Variants in SLAMF1 observed in about 807,000 individuals in gnomAD.
The protein encoded by SLAMF1 is signaling lymphocytic activation molecule.
In SLAMF1, 18 loss-of-function variants were observed where a neutral mutation model predicts 35.1. That is an observed-to-expected ratio of 0.51 (90% confidence interval 0.35 to 0.76). The LOEUF (loss-of-function observed/expected upper bound fraction) is 0.76. SLAMF1 is among the 30% of genes least tolerant of loss of function. SLAMF1 has a pLI of 0.01. For missense variants in SLAMF1, 392 were observed against 413.0 expected (o/e 0.95, Z 0.44); for synonymous variants, 168 against 157.2 (o/e 1.07, Z -0.51).
chr1:160,630,285 C>T (rs192344513), intron 3 of SLAMF1, among the ~76,000 whole-genome samples: 6 of 152,278 alleles, frequency 3.9e-5, no homozygotes, highest in Non-Finnish European at 7.4e-5. Flanking sequence ...TTATGATAGA[C>T]ATTAACACAC....
At chr1:160,613,511 G>A (rs191494125) in intron 5 of SLAMF1, among the ~76,000 whole-genome samples, 8 of 152,284 alleles carry the variant, frequency 5.3e-5, no homozygotes, top group Admixed American at 3.3e-4. Context: ...TGTAAGATGC[G>A]GATGCCATCA....
At chr1:160,618,069 T>TCAAAAAA (rs66648848) in intron 5 of SLAMF1, among the ~76,000 whole-genome samples, 2 of 151,070 alleles carry the variant, frequency 1.3e-5, no homozygotes, top group Admixed American at 6.6e-5. Context: ...CAAGACTCTG[T>TCAAAAAA]CAAAAAACAA....
intron 1 of SLAMF1, among the ~76,000 whole-genome samples, chr1:160,643,036 G>A (rs999606042): frequency 3.8e-4 from 10 of 26,356 alleles, no homozygotes; most frequent in African/African-American, 3.9e-4. Flanking sequence ...AATAGTAAAT[G>A]CTTTGGCCCC....
chr1:160,620,952 G>A (rs1186977215), intron 4 of SLAMF1, among the ~76,000 whole-genome samples: 14 of 152,206 alleles, frequency 9.2e-5, no homozygotes, highest in Admixed American at 9.2e-4. Context: ...TTGGATATTT[G>A]CTATACTTAT....
chr1:160,626,345 G>A (rs1659878655), intron 3 of SLAMF1, among the ~76,000 whole-genome samples: 2 of 152,262 alleles, frequency 1.3e-5, no homozygotes, highest in South Asian at 4.1e-4. Context: ...AAGGCTTCAG[G>A]ACATGACAAC....
intron 1 of SLAMF1, among the ~76,000 whole-genome samples, chr1:160,641,712 C>G (rs1448067667): frequency 2.0e-5 from 3 of 152,048 alleles, no homozygotes; most frequent in Non-Finnish European, 4.4e-5. Flanking sequence ...CACATAAGCA[C>G]AAGGTGGAAA....
intron 2 of SLAMF1, 93 bp from the exon 3 acceptor site, chr1:160,634,990 G>A (rs2102338103): frequency 5.5e-6 from 6 of 1,092,778 alleles, no homozygotes; most frequent in South Asian, 1.5e-5. Context: ...CAGCCTAATG[G>A]CATTTTCCCT....
chr1:160,617,359 C>T (rs935629364), intron 5 of SLAMF1, among the ~76,000 whole-genome samples: 13 of 152,116 alleles, frequency 8.5e-5, no homozygotes, highest in Non-Finnish European at 4.4e-5. Context: ...GTCCACTTAA[C>T]GACTTGCATA....
At chr1:160,619,126 A>G (rs1400557716) in intron 5 of SLAMF1, among the ~76,000 whole-genome samples, 1 of 151,904 alleles carries the variant, frequency 6.6e-6, no homozygotes, top group African/African-American at 2.4e-5. Context: ...ATACAATACC[A>G]AGAATTGCCT....
At position 160,632,556 on chromosome 1, in the gene SLAMF1, T is replaced by C. The variant is rs150100848; in HGVS notation, c.700+2057A>G. Among the ~76,000 whole-genome samples the C allele has an allele frequency of 6.0e-3, 919 of 152,308 alleles. 7 individuals are homozygous for C. Among genetic ancestry groups the C allele is most frequent in the Non-Finnish European group, 0.01 (693 of 68,018 alleles). ...AGCTGAGTGCCCTTAGTATAAGCTT[T>C]ATGGCCCACCAACACTTTGGTATGC... On this transcript the variant is annotated intron_variant, in intron 3 of 6. Transcript: ENST00000302035.
intron 1 of SLAMF1, among the ~76,000 whole-genome samples, chr1:160,645,945 G>C (rs1041762219): frequency 2.0e-5 from 3 of 152,036 alleles, no homozygotes; most frequent in African/African-American, 7.2e-5. Context: ...CCCCGTGTCC[G>C]TAATGCCACC....
chr1:160,646,930 G>C lies in SLAMF1; in HGVS notation c.16C>G (p.Leu6Val). MDPKGLLSLTFVLFLS... is the reference protein window; with the variant it reads MDPKGVLSLTFVLFLS... ...AACAGCACGAAGGTCAAGGAGAGGA[G>C]CCCCTTGGGATCCATCAGCCAATGA... The change falls in exon 1 of 7, where the codon CTC becomes GTC. Residue 6 changes from leucine to valine, a missense_variant. Leu to Val is a conservative substitution (Grantham distance 32). Coordinates refer to ENST00000302035, the MANE Select transcript of SLAMF1 (RefSeq NM_003037.5). 6.2e-7 allele frequency: 1 copy of C among 1,601,344 alleles called. No individual in the cohort carries two copies. Among genetic ancestry groups the C allele is most frequent in the Non-Finnish European group, 8.6e-7 (1 of 1,169,242 alleles).
intron 3 of SLAMF1, among the ~76,000 whole-genome samples, chr1:160,626,186 C>A (rs1659870916): frequency 6.6e-6 from 1 of 152,112 alleles, no homozygotes; most frequent in Non-Finnish European, 1.5e-5. Context: ...ATAAAACCAA[C>A]AGACAAAGTA....
intron 3 of SLAMF1, among the ~76,000 whole-genome samples, chr1:160,631,911 A>C (rs1660186269): frequency 6.6e-6 from 1 of 152,110 alleles, no homozygotes; most frequent in Admixed American, 6.5e-5. Context: ...GTGGGCCCTA[A>C]TCCAATATGA....
intron 2 of SLAMF1, among the ~76,000 whole-genome samples, chr1:160,635,303 C>A (rs188611880): frequency 9.9e-5 from 15 of 152,264 alleles, no homozygotes; most frequent in African/African-American, 3.6e-4. Context: ...GGGATTTCAT[C>A]TATCGTGATG....
intron 4 of SLAMF1, 141 bp from the exon 5 acceptor site, chr1:160,619,990 T>G (rs766746959): frequency 8.8e-6 from 6 of 678,906 alleles, no homozygotes; most frequent in Non-Finnish European, 1.6e-5. Flanking sequence ...CCAGCCCCCC[T>G]GCACATTTGT....
chr1:160,640,325 CATATATATATATATATAT>C (rs56785818), intron 1 of SLAMF1, among the ~76,000 whole-genome samples: 1,234 of 94,130 alleles, frequency 0.013, 47 homozygotes, highest in African/African-American at 0.05. Context: ...TTAGGTTTGT[CATATATATATATATATAT>C]ATATATATAT....
chr1:160,612,407 C>T (rs1176771615), intron 6 of SLAMF1, 81 bp downstream of exon 6: 3 of 895,174 alleles, frequency 3.4e-6, no homozygotes, highest in Non-Finnish European at 5.2e-6. Context: ...CCTCTTCCCA[C>T]CTTAAAAAAA....
At chr1:160,614,393 G>T (rs994260370) in intron 5 of SLAMF1, among the ~76,000 whole-genome samples, 3 of 151,944 alleles carry the variant, frequency 2.0e-5, no homozygotes, top group Non-Finnish European at 2.9e-5. Context: ...GGCCAACATA[G>T]TGAAACCCCA....
Sources: allele counts gnomAD v4.1 joint callset (sites outside exome capture counted in the v4.1 genomes callset), GRCh38; gene constraint gnomAD v4.1.1; transcripts MANE v1.5; gene names NCBI Gene and HGNC (gene_info 2026-07-23, HGNC 2026-07-21).